The following XRCC5 variants were observed in gnomAD, a reference collection of about 807,000 sequenced individuals.
XRCC5 encodes DNA repair protein Ku80.
A neutral mutation model predicts 95.7 loss-of-function variants in XRCC5; 12 were observed. That is an observed-to-expected ratio of 0.13 (90% CI 0.08 to 0.20). The LOEUF is 0.20. XRCC5 is among the 10% of genes least tolerant of loss of function. The probability of loss-of-function intolerance (pLI) is 1.00; values close to 1 mark genes in which losing one functional copy is unlikely to be tolerated. For missense variants in XRCC5, 595 were observed against 873.9 expected, an observed-to-expected ratio of 0.68 and a Z score of 4.02; for synonymous variants, 281 against 290.3, an observed-to-expected ratio of 0.97 and a Z score of 0.33.
chr2:216,186,839 G>A (rs1178038631), intron 16 of XRCC5, among the ~76,000 whole-genome samples: 1 of 152,144 alleles, frequency 6.6e-6, no homozygotes, highest in African/African-American at 2.4e-5. Context: ...CTTTATGTGG[G>A]GCAGGGGAGT....
intron 12 of XRCC5, among the ~76,000 whole-genome samples, chr2:216,139,777 G>C (rs906100906): frequency 6.6e-6 from 1 of 152,124 alleles, no homozygotes; most frequent in African/African-American, 2.4e-5. Context: ...CAAACTGTTG[G>C]AATTATGGGT....
At position 216,153,934 on chromosome 2, in the gene XRCC5, TTC is replaced by T. The variant is rs1177076662; in HGVS notation, c.1670+5660_1670+5661del. On this transcript the variant is annotated intron_variant, in intron 14 of 20. Transcript: ENST00000392132. ...AGAAATGGCTTTGTTATCTGCTTTC[TTC>T]TTCCTGCTCCTTTCCAACCCCTCTT... Among the ~76,000 whole-genome samples, 3 of 152,368 alleles carry T rather than the reference TTC, an allele frequency of 2.0e-5. No individual in the cohort carries two copies. The East Asian group carries it at 5.8e-4, about 29-fold the overall frequency.
intron 3 of XRCC5, 53 bp from the exon 4 acceptor site, chr2:216,117,693 C>A: frequency 6.4e-7 from 1 of 1,574,238 alleles, no homozygotes; most frequent in Non-Finnish European, 8.7e-7. Flanking sequence ...GAAAGAGTTG[C>A]GTGTTCACAT....
chr2:216,196,199 C>T (rs1283576432), intron 19 of XRCC5, among the ~76,000 whole-genome samples: 1 of 150,112 alleles, frequency 6.7e-6, no homozygotes, highest in Non-Finnish European at 1.5e-5. Flanking sequence ...AAGCACTTTG[C>T]CTAGCAAAAG....
At chr2:216,112,711 G>A (rs1696610246) in intron 1 of XRCC5, among the ~76,000 whole-genome samples, 1 of 152,224 alleles carries the variant, frequency 6.6e-6, no homozygotes, top group Non-Finnish European at 1.5e-5. Flanking sequence ...TGGCCTGCAG[G>A]TTGGCATCAT....
Position 216,187,786 on chromosome 2 carries a change from G to GACACAC in XRCC5, c.1835-2408_1835-2403dup, listed in dbSNP as rs149998611. On this transcript the variant is annotated intron_variant, in intron 16 of 20. Coordinates refer to ENST00000392132, the MANE Select transcript of XRCC5 (RefSeq NM_021141.4). Reference sequence around the variant, plus strand: ...AGTATCTGTGATGCCATGAACTCCTGACACACACACACACACACACACACA... The same window carrying GACACAC: ...AGTATCTGTGATGCCATGAACTCCTGACACACACACACACACACACACACACACACA... Among the ~76,000 whole-genome samples the GACACAC allele has an allele frequency of 7.4e-3, 478 of 64,496 alleles. 21 individuals are homozygous for GACACAC. Among genetic ancestry groups the GACACAC allele is most frequent in the African/African-American group, 0.028 (281 of 9,950 alleles). The allele number at this position is 64,496 out of a possible 152,430, so 42.3% of individuals were successfully genotyped here.
In XRCC5 at chr2:216,165,265, G is replaced by A. The variant is rs138905380; in HGVS notation, c.1834+3217G>A. 1.2e-4 allele frequency among the ~76,000 whole-genome samples: 19 copies of A among 152,188 alleles called. 1 individual carries two copies. The highest frequency in any genetic ancestry group is 2.2e-4 in the Non-Finnish European group (15 of 68,020). Reference sequence around the variant, plus strand: ...CCTTGTACCTACTGATAGGACTTTTGATGAATAGATTGTTCTTTTATATTG... The same window carrying A: ...CCTTGTACCTACTGATAGGACTTTTAATGAATAGATTGTTCTTTTATATTG... On this transcript the variant is annotated intron_variant, in intron 16 of 20. Transcript: ENST00000392132.
intron 19 of XRCC5, among the ~76,000 whole-genome samples, chr2:216,198,536 T>C (rs1689775310): frequency 1.2e-5 from 1 of 81,024 alleles, no homozygotes; most frequent in Middle Eastern, 5.4e-3. Context: ...AAAATGCTTT[T>C]ATTTATTTAT....
At chr2:216,118,893 T>A (rs1696750722) in intron 4 of XRCC5, 150 bp from the exon 5 acceptor site, 1 of 820,694 alleles carries the variant, frequency 1.2e-6, no homozygotes, top group South Asian at 1.9e-5. Flanking sequence ...ATGAATTTAA[T>A]AAGAACTTAA....
chr2:216,199,355 T>C (rs769836059), intron 19 of XRCC5, among the ~76,000 whole-genome samples: 19 of 152,224 alleles, frequency 1.2e-4, no homozygotes, highest in Non-Finnish European at 2.5e-4. Flanking sequence ...TCTAGAAATA[T>C]GTGGATTGTA....
chr2:216,197,940 C>T (rs1376884165), intron 19 of XRCC5, among the ~76,000 whole-genome samples: 1 of 152,178 alleles, frequency 6.6e-6, no homozygotes, highest in Non-Finnish European at 1.5e-5. Flanking sequence ...ACACTATATA[C>T]ATCATATCTA....
At chr2:216,189,131 T>G (rs1689565507) in intron 16 of XRCC5, among the ~76,000 whole-genome samples, 1 of 152,276 alleles carries the variant, frequency 6.6e-6, no homozygotes. Context: ...TTCAGGTCAC[T>G]GTGATTCACA....
chr2:216,189,791 G>A (rs1441735897), intron 16 of XRCC5, among the ~76,000 whole-genome samples: 4 of 152,144 alleles, frequency 2.6e-5, no homozygotes, highest in Admixed American at 6.5e-5. Context: ...AGCACTGTTC[G>A]ACAATTATCC....
At chr2:216,147,355 A>G (rs1467756499) in intron 13 of XRCC5, among the ~76,000 whole-genome samples, 1 of 152,134 alleles carries the variant, frequency 6.6e-6, no homozygotes, top group Non-Finnish European at 1.5e-5. Flanking sequence ...CGAGGAGGCA[A>G]GCAGGGCTGC....
At chr2:216,114,254 G>A (rs1421331113) in intron 2 of XRCC5, among the ~76,000 whole-genome samples, 1 of 152,038 alleles carries the variant, frequency 6.6e-6, no homozygotes, top group Non-Finnish European at 1.5e-5. Flanking sequence ...ATGAGTTCCT[G>A]CTTCTTTCAT....
rs1696796210 is a variant in XRCC5, at chr2:216,120,964, G to C, written c.492-1098G>C. On this transcript the variant is annotated intron_variant, in intron 5 of 20. Coordinates refer to ENST00000392132, the MANE Select transcript of XRCC5 (RefSeq NM_021141.4). ...TTGGCCAGGCTGGTCTTGAACTCCG[G>C]ACCTCAAGTGATCCACCTGCCTCGC... 3.3e-5 allele frequency among the ~76,000 whole-genome samples: 5 copies of C among 152,258 alleles called. No homozygotes were observed. In the South Asian group the frequency reaches 1.0e-3, roughly 32 times the overall value.
At chr2:216,115,047 C>T (rs1276705482) in intron 2 of XRCC5, among the ~76,000 whole-genome samples, 1 of 152,158 alleles carries the variant, frequency 6.6e-6, no homozygotes, top group African/African-American at 2.4e-5. Context: ...GGGCGCAGGG[C>T]ACTTGATTTT....
intron 16 of XRCC5, among the ~76,000 whole-genome samples, chr2:216,183,063 G>GCTTACAGC (rs1372835514): frequency 6.6e-6 from 1 of 152,138 alleles, no homozygotes; most frequent in Admixed American, 6.5e-5. Context: ...CATAAAATGA[G>GCTTACAGC]CTTACAGCCA....
chr2:216,157,833 A>T (rs557798926), intron 14 of XRCC5, among the ~76,000 whole-genome samples: 15 of 152,350 alleles, frequency 9.8e-5, no homozygotes, highest in African/African-American at 3.6e-4. Flanking sequence ...TTATATGTCT[A>T]CTGTGATCTT....
Sources: gnomAD v4.1 joint callset for allele counts (sites outside exome capture counted in the v4.1 genomes callset) on GRCh38, gnomAD v4.1.1 for gene constraint, MANE v1.5 for transcripts, NCBI Gene and HGNC (gene_info 2026-07-23, HGNC 2026-07-21) for gene names.